Variants in FOCAD observed in about 807,000 individuals in gnomAD.
FOCAD encodes focadhesin, also known as KIAA1797.
FOCAD carries 198 observed loss-of-function variants against 225.6 expected under a neutral mutation model. That is an observed-to-expected ratio of 0.88 (90% CI 0.78 to 0.99). The LOEUF (loss-of-function observed/expected upper bound fraction) is 0.99, where lower values mean the gene tolerates loss of function less well. Ranked by LOEUF, FOCAD falls within the 50% of genes least tolerant of loss-of-function variation. FOCAD has a pLI of 0.00. For missense variants in FOCAD, 2,713 were observed against 2,123.6 expected, an observed-to-expected ratio of 1.28 and a Z score of -5.46; for synonymous variants, 897 against 755.0, an observed-to-expected ratio of 1.19 and a Z score of -3.08.
At position 20,777,361 on chromosome 9, in the gene FOCAD, A is replaced by G. The variant is rs1239802820; in HGVS notation, c.907-1320A>G. On this transcript the variant is annotated intron_variant, in intron 8 of 43. Coordinates refer to ENST00000338382, the MANE Select transcript of FOCAD (RefSeq NM_001375567.1). ...TTGTTCATAGGTACTTCTGCTCTGCAGGCACTTCTGTAAACTTCAGAATAG... is the reference window on the plus strand; with the variant it reads ...TTGTTCATAGGTACTTCTGCTCTGCGGGCACTTCTGTAAACTTCAGAATAG... 4.4e-5 allele frequency among the ~76,000 whole-genome samples: 6 copies of G among 135,866 alleles called. No homozygotes were observed. The Admixed American group carries it at 4.9e-4, about 11-fold the overall frequency. The allele number at this position is 135,866 out of a possible 152,430, so 89.1% of individuals were successfully genotyped here. A position where few individuals can be genotyped will look rare whatever the true frequency, so the allele number is the denominator to read the frequency against.
intron 6 of FOCAD, among the ~76,000 whole-genome samples, chr9:20,760,588 A>C (rs985804493): frequency 2.0e-5 from 3 of 152,122 alleles, no homozygotes; most frequent in Admixed American, 1.3e-4. Flanking sequence ...CTTTCTGATA[A>C]ATGTCTTTAT....
chr9:20,953,364 A>G (rs568732603), intron 35 of FOCAD, among the ~76,000 whole-genome samples: 19 of 152,300 alleles, frequency 1.2e-4, no homozygotes, highest in African/African-American at 4.3e-4. Flanking sequence ...TACTTTTCCT[A>G]TCCATTTCAA....
intron 5 of FOCAD, among the ~76,000 whole-genome samples, chr9:20,751,154 A>G (rs1408786526): frequency 6.9e-6 from 1 of 145,648 alleles, no homozygotes; most frequent in Non-Finnish European, 1.5e-5. Context: ...CTCCACTTCC[A>G]TTTTTTTTTT....
intron 24 of FOCAD, among the ~76,000 whole-genome samples, chr9:20,923,144 G>T (rs1404624908): frequency 6.6e-6 from 1 of 152,112 alleles, no homozygotes; most frequent in Non-Finnish European, 1.5e-5. Flanking sequence ...AGAAGGAGAG[G>T]ATAAAAATGA....
chr9:20,781,918 G>T lies in FOCAD; in HGVS notation c.1186G>T (p.Asp396Tyr). Reference sequence around the variant, plus strand: ...GATACAGCAGGAATGTTACAGAGATGACCACCAAAAGGTAATGAATCTATC... The same window carrying T: ...GATACAGCAGGAATGTTACAGAGATTACCACCAAAAGGTAATGAATCTATC... ...EMIQQECYRD[D>Y]HQKLSYKLVC... Residue 396 changes from aspartate (D) to tyrosine (Y), a missense_variant, in exon 10 of 44, where the codon GAC becomes TAC. Asp to Tyr is a radical substitution (Grantham distance 160). Coordinates refer to ENST00000338382, the MANE Select transcript of FOCAD (RefSeq NM_001375567.1). 2 of 1,613,634 alleles carry T rather than the reference G, an allele frequency of 1.2e-6. No individual in the cohort carries two copies. Among genetic ancestry groups the T allele is most frequent in the South Asian group, 2.2e-5 (2 of 90,952 alleles).
At chr9:20,673,595 AATT>A (rs1338135491) in intron 2 of FOCAD, among the ~76,000 whole-genome samples, 5 of 152,042 alleles carry the variant, frequency 3.3e-5, no homozygotes, top group Non-Finnish European at 4.4e-5. Context: ...ATACTTAATT[AATT>A]ATTATTATTT....
intron 19 of FOCAD, among the ~76,000 whole-genome samples, chr9:20,876,694 G>A (rs1465011895): frequency 6.6e-6 from 1 of 152,140 alleles, no homozygotes; most frequent in Non-Finnish European, 1.5e-5. Context: ...TATTAGAGAA[G>A]TATAAAAAGT....
chr9:20,892,272 T>C (rs1306618866), intron 21 of FOCAD, among the ~76,000 whole-genome samples: 2 of 152,208 alleles, frequency 1.3e-5, no homozygotes, highest in African/African-American at 2.4e-5. Context: ...AGGAGTAATT[T>C]TGACTTTCAA....
intron 35 of FOCAD, among the ~76,000 whole-genome samples, chr9:20,967,613 G>A (rs1045854020): frequency 6.6e-6 from 1 of 152,084 alleles, no homozygotes; most frequent in Non-Finnish European, 1.5e-5. Flanking sequence ...TCACCATTGA[G>A]TATGATTTAA....
intron 34 of FOCAD, among the ~76,000 whole-genome samples, chr9:20,951,947 C>T (rs1309064934): frequency 1.3e-5 from 2 of 152,124 alleles, no homozygotes; most frequent in Non-Finnish European, 2.9e-5. Context: ...AAATGTGGGC[C>T]TCTGAAATTA....
chr9:20,781,635 A>T, intron 9 of FOCAD, 92 bp from the exon 10 acceptor site: 1 of 1,091,468 alleles, frequency 9.2e-7, no homozygotes, highest in East Asian at 2.4e-5. Context: ...AAGGGAAGAA[A>T]ACTTTCTTGC....
chr9:20,815,810 A>T (rs1823673102), intron 11 of FOCAD, among the ~76,000 whole-genome samples: 1 of 152,158 alleles, frequency 6.6e-6, no homozygotes, highest in Non-Finnish European at 1.5e-5. Flanking sequence ...AGGGTATAAG[A>T]TTCAAGATTA....
chr9:20,866,917 T>TTTTAAC lies in FOCAD; in HGVS notation c.2107-12_2107-11insTTTAAC. On this transcript the variant is annotated splice_polypyrimidine_tract_variant and intron_variant, in intron 17 of 43. Coordinates refer to ENST00000338382, the MANE Select transcript of FOCAD (RefSeq NM_001375567.1). ...TTTTTTTTTTTTTTTTTTTTTTTTT[T>TTTTAAC]ACCCTATCTAGGACCCAATTGTAGC... 1.3e-6 allele frequency: 1 copy of TTTTAAC among 764,966 alleles called. No individual in the cohort carries two copies. Among genetic ancestry groups the TTTTAAC allele is most frequent in the Non-Finnish European group, 2.0e-6 (1 of 498,462 alleles). The allele number at this position is 764,966 out of a possible 1,614,324, so 47.4% of individuals were successfully genotyped here. A position where few individuals can be genotyped will look rare whatever the true frequency, so the allele number is the denominator to read the frequency against.
chr9:20,757,893 A>C (rs774253900), intron 5 of FOCAD, among the ~76,000 whole-genome samples, 197 bp from the exon 6 acceptor site: 7 of 152,152 alleles, frequency 4.6e-5, no homozygotes, highest in African/African-American at 7.2e-5. Flanking sequence ...CAAAAATGTT[A>C]GGAAAAGGCA....
chr9:20,801,162 G>T (rs964346307), intron 11 of FOCAD, among the ~76,000 whole-genome samples: 2 of 152,096 alleles, frequency 1.3e-5, no homozygotes, highest in Admixed American at 6.5e-5. Flanking sequence ...GCAGAACAGC[G>T]AATATTGGTG....
chr9:20,896,307 C>T (rs1050148862), intron 21 of FOCAD, among the ~76,000 whole-genome samples: 1 of 151,802 alleles, frequency 6.6e-6, no homozygotes, highest in Admixed American at 6.6e-5. Flanking sequence ...AAAGATATTG[C>T]TGTGAGATTT....
Position 20,910,546 on chromosome 9 carries a change from A to C in FOCAD, c.2719-2320A>C, listed in dbSNP as rs140665242. 3.8e-3 allele frequency among the ~76,000 whole-genome samples: 573 copies of C among 152,124 alleles called. 4 individuals carry two copies. Among genetic ancestry groups the C allele is most frequent in the African/African-American group, 0.013 (547 of 41,506 alleles). Reference sequence around the variant, plus strand: ...GAAGCTAGGTGAAATTGCTTACTATAATCAGCAAGTTCTTATGGTACAGGC... The same window carrying C: ...GAAGCTAGGTGAAATTGCTTACTATCATCAGCAAGTTCTTATGGTACAGGC... On this transcript the variant is annotated intron_variant, in intron 22 of 43. Coordinates refer to ENST00000338382, the MANE Select transcript of FOCAD (RefSeq NM_001375567.1).
chr9:20,747,484 G>A (rs1464973113), intron 5 of FOCAD, among the ~76,000 whole-genome samples: 1 of 152,072 alleles, frequency 6.6e-6, no homozygotes. Context: ...AAGCGTACAA[G>A]TCAGTAGATT....
At position 20,976,546 on chromosome 9, in the gene FOCAD, T is replaced by A. The variant is rs755254386; in HGVS notation, c.4259T>A (p.Phe1420Tyr). The part of the protein sequence containing the change: ...ALLSPLMRLN[F>Y]GEEIQQLCLE... Reference sequence around the variant, plus strand: ...CTCTCTCCACTTATGAGGCTAAATTTTGGTAAATATCATGTGTTTTTAAGT... The same window carrying A: ...CTCTCTCCACTTATGAGGCTAAATTATGGTAAATATCATGTGTTTTTAAGT... Residue 1420 changes from phenylalanine to tyrosine, a missense_variant and splice_region_variant, in exon 36 of 44, where the codon TTT becomes TAT. Coordinates refer to ENST00000338382, the MANE Select transcript of FOCAD (RefSeq NM_001375567.1). 9.9e-6 allele frequency: 16 copies of A among 1,612,636 alleles called. No individual in the cohort carries two copies. Among genetic ancestry groups the A allele is most frequent in the Non-Finnish European group, 1.4e-5 (16 of 1,178,984 alleles).
Sources: allele counts gnomAD v4.1 joint callset (sites outside exome capture counted in the v4.1 genomes callset), GRCh38; gene constraint gnomAD v4.1.1; transcripts MANE v1.5; gene names NCBI Gene and HGNC (gene_info 2026-07-23, HGNC 2026-07-21).